The following PRTFDC1 variants were observed in gnomAD, a reference collection of about 807,000 sequenced individuals.
PRTFDC1 encodes the protein phosphoribosyl transferase domain containing 1, also known as phosphoribosyltransferase domain-containing protein 1.
A neutral mutation model predicts 34.6 loss-of-function variants in PRTFDC1; 38 were observed. The ratio of observed to expected loss-of-function variants is 1.10; its 90% CI spans 0.85 to 1.44. PRTFDC1 has a LOEUF of 1.44. PRTFDC1 is among the 40% of genes most tolerant of loss of function. The probability of loss-of-function intolerance (pLI) is 0.00; values close to 1 mark genes in which losing one functional copy is unlikely to be tolerated. For missense variants in PRTFDC1, 270 were observed against 283.0 expected (o/e 0.95, Z 0.33); for synonymous variants, 93 against 98.1 (o/e 0.95, Z 0.31).
rs1849358603 is a variant in PRTFDC1 at position 24,952,299 on chromosome 10, C to T, written c.48+229G>A. Among the ~76,000 whole-genome samples the T allele has an allele frequency of 6.6e-6, 1 of 151,718 alleles. No individual in the cohort carries two copies. The highest frequency in any genetic ancestry group is 2.1e-4 in the South Asian group (1 of 4,792). On this transcript the variant is annotated intron_variant, in intron 1 of 8. Coordinates refer to ENST00000320152, the MANE Select transcript of PRTFDC1 (RefSeq NM_020200.7). This position sits in a 1 kb window ranked among gnomAD's most constrained non-coding sequence, Gnocchi z 5.1. ...GGAGCGAGCTACCGGCCGGAGGACACGGGGGGACGCTGGGAACTCGGGGTG... is the reference window on the plus strand; with the variant it reads ...GGAGCGAGCTACCGGCCGGAGGACATGGGGGGACGCTGGGAACTCGGGGTG...
chr10:24,857,092 A>G, intron 5 of PRTFDC1, 97 bp from the exon 6 acceptor site: 1 of 1,039,038 alleles, frequency 9.6e-7, no homozygotes. Context: ...ATGCATCGTA[A>G]TTAAAAATGC....
chr10:24,879,167 A>G (rs906949054), intron 3 of PRTFDC1, among the ~76,000 whole-genome samples: 2 of 152,146 alleles, frequency 1.3e-5, no homozygotes, highest in Non-Finnish European at 2.9e-5. Context: ...AATTGATTCC[A>G]GTATTCCTCG....
chr10:24,898,273 A>G (rs1848398614), intron 3 of PRTFDC1, among the ~76,000 whole-genome samples: 1 of 133,920 alleles, frequency 7.5e-6, no homozygotes, highest in African/African-American at 2.7e-5. Flanking sequence ...AACATGGGGA[A>G]ATCCCGTCTC....
chr10:24,868,695 A>G (rs1847826988), intron 4 of PRTFDC1, among the ~76,000 whole-genome samples: 2 of 152,160 alleles, frequency 1.3e-5, no homozygotes, highest in South Asian at 4.2e-4. Context: ...TGGCCTCAAC[A>G]ATCCTTTCAT....
intron 3 of PRTFDC1, among the ~76,000 whole-genome samples, chr10:24,873,163 G>A (rs1847906393): frequency 6.6e-6 from 1 of 151,942 alleles, no homozygotes; most frequent in Non-Finnish European, 1.5e-5. Flanking sequence ...TTCAAATCCT[G>A]TTAGAGTTTA....
At chr10:24,940,558 T>C (rs547699168) in intron 2 of PRTFDC1, among the ~76,000 whole-genome samples, 2 of 152,230 alleles carry the variant, frequency 1.3e-5, no homozygotes, top group Admixed American at 1.3e-4. Context: ...CAATATTCAA[T>C]GTTGGCAAGT....
chr10:24,852,656 G>C (rs945000441), intron 7 of PRTFDC1, among the ~76,000 whole-genome samples: 179 of 152,206 alleles, frequency 1.2e-3, no homozygotes, highest in African/African-American at 4.1e-3. Flanking sequence ...CAGAAGTCTT[G>C]AAACAGAATA....
At chr10:24,907,942 G>T (rs1052308459) in intron 3 of PRTFDC1, among the ~76,000 whole-genome samples, 56 of 152,240 alleles carry the variant, frequency 3.7e-4, no homozygotes, top group African/African-American at 1.3e-3. Context: ...CTAGGGCTAG[G>T]CAACAAAATG....
intron 3 of PRTFDC1, 139 bp downstream of exon 3, chr10:24,937,045 T>C (rs926664279): frequency 2.5e-6 from 2 of 799,676 alleles, no homozygotes; most frequent in Non-Finnish European, 3.8e-6. Flanking sequence ...GGTTGCCGTA[T>C]TCTTGCAAAT....
At chr10:24,865,731 C>A (rs751590162) in intron 4 of PRTFDC1, among the ~76,000 whole-genome samples, 8 of 152,152 alleles carry the variant, frequency 5.3e-5, no homozygotes, top group Non-Finnish European at 1.0e-4. Flanking sequence ...TATTTTAGAG[C>A]ACACAGTGAT....
intron 1 of PRTFDC1, among the ~76,000 whole-genome samples, chr10:24,949,417 T>G (rs1441789145): frequency 2.0e-5 from 3 of 152,086 alleles, no homozygotes; most frequent in Non-Finnish European, 2.9e-5. Context: ...CTAATTTGAT[T>G]TTTTGTATCC....
intron 8 of PRTFDC1, among the ~76,000 whole-genome samples, chr10:24,850,802 G>T (rs1301897645): frequency 6.6e-6 from 1 of 152,154 alleles, no homozygotes; most frequent in Non-Finnish European, 1.5e-5. Flanking sequence ...CTATCCTAGT[G>T]GTTGAAGTCT....
At chr10:24,941,000 A>G (rs1849146214) in intron 2 of PRTFDC1, among the ~76,000 whole-genome samples, 1 of 151,672 alleles carries the variant, frequency 6.6e-6, no homozygotes, top group Non-Finnish European at 1.5e-5. Context: ...TTCACCTGCA[A>G]TGGGTGAATT....
chr10:24,906,370 C>A (rs1007179105), intron 3 of PRTFDC1, among the ~76,000 whole-genome samples: 2 of 152,128 alleles, frequency 1.3e-5, no homozygotes, highest in South Asian at 2.1e-4. Flanking sequence ...GGTCAAGATA[C>A]CCCTGGACCC....
chr10:24,866,792 A>AAGAG (rs111304267), intron 4 of PRTFDC1, among the ~76,000 whole-genome samples: 326 of 148,510 alleles, frequency 2.2e-3, no homozygotes, highest in African/African-American at 7.5e-3. Context: ...AAAAGAAAGA[A>AAGAG]AGAGAGAGAG....
At chr10:24,916,297 G>A (rs1848694577) in intron 3 of PRTFDC1, among the ~76,000 whole-genome samples, 1 of 152,142 alleles carries the variant, frequency 6.6e-6, no homozygotes, top group Non-Finnish European at 1.5e-5. Context: ...CCATCTCCCT[G>A]CTCAACCTTT....
intron 3 of PRTFDC1, among the ~76,000 whole-genome samples, chr10:24,879,365 T>C (rs1848026386): frequency 6.6e-6 from 1 of 151,594 alleles, no homozygotes; most frequent in Non-Finnish European, 1.5e-5. Context: ...TTTTTTGAGA[T>C]GGGGTTTCGC....
chr10:24,935,374 A>C (rs548924866), intron 3 of PRTFDC1, among the ~76,000 whole-genome samples: 1 of 152,354 alleles, frequency 6.6e-6, no homozygotes, highest in Non-Finnish European at 1.5e-5. Context: ...AAAAATTCTC[A>C]GGAGAAGATA....
At chr10:24,915,879 G>A (rs1224099685) in intron 3 of PRTFDC1, among the ~76,000 whole-genome samples, 2 of 152,060 alleles carry the variant, frequency 1.3e-5, no homozygotes, top group African/African-American at 2.4e-5. Context: ...TCTTCAGCAC[G>A]GCTTTAAATC....
Sources: allele counts gnomAD v4.1 joint callset (sites outside exome capture counted in the v4.1 genomes callset), GRCh38; gene constraint gnomAD v4.1.1; non-coding constraint Gnocchi (gnomAD v3.1); transcripts MANE v1.5; gene names NCBI Gene and HGNC (gene_info 2026-07-23, HGNC 2026-07-21).